The following CNTN6 variants were observed in gnomAD, a reference collection of about 807,000 sequenced individuals.
CNTN6 encodes the protein contactin 6, also known as contactin-6.
A neutral mutation model predicts 122.8 loss-of-function variants in CNTN6; 137 were observed. The ratio of observed to expected loss-of-function variants is 1.12; its 90% CI spans 0.97 to 1.29. CNTN6 has a LOEUF of 1.29. CNTN6 is among the 50% of genes most tolerant of loss of function. The pLI is 0.00. For missense variants in CNTN6, 1,634 were observed against 1,223.4 expected (o/e 1.34, Z -5.01); for synonymous variants, 570 against 426.0 (o/e 1.34, Z -4.16).
intron 11 of CNTN6, among the ~76,000 whole-genome samples, chr3:1,342,992 C>T (rs540589453): frequency 1.1e-3 from 174 of 152,228 alleles, no homozygotes; most frequent in African/African-American, 3.9e-3. Flanking sequence ...ACCTTTGCCA[C>T]TCCTAAGAGA....
chr3:1,112,772 G>A (rs1158551742), intron 1 of CNTN6, among the ~76,000 whole-genome samples: 8 of 151,986 alleles, frequency 5.3e-5, no homozygotes, highest in African/African-American at 1.9e-4. Context: ...CAGACACAAC[G>A]TGCATACTGA....
At chr3:1,106,048 A>C (rs990510306) in intron 1 of CNTN6, among the ~76,000 whole-genome samples, 1 of 152,134 alleles carries the variant, frequency 6.6e-6, no homozygotes, top group Non-Finnish European at 1.5e-5. Flanking sequence ...ATCACTACAA[A>C]TTGTATTTGA....
At chr3:1,186,413 C>T (rs1279856310) in intron 2 of CNTN6, among the ~76,000 whole-genome samples, 2 of 151,770 alleles carry the variant, frequency 1.3e-5, no homozygotes, top group Non-Finnish European at 2.9e-5. Context: ...ACCTGTTTCC[C>T]TTTGGCCATT....
At chr3:1,113,021 C>T (rs1265186230) in intron 1 of CNTN6, among the ~76,000 whole-genome samples, 5 of 152,104 alleles carry the variant, frequency 3.3e-5, no homozygotes, top group South Asian at 2.1e-4. Context: ...ATACTTGTTA[C>T]GTTCCAGGCA....
chr3:1,102,500 G>A (rs2090959127), intron 1 of CNTN6, among the ~76,000 whole-genome samples: 1 of 152,068 alleles, frequency 6.6e-6, no homozygotes, highest in Non-Finnish European at 1.5e-5. Flanking sequence ...GGAGGCCGAG[G>A]TGGGCGGATC....
At chr3:1,317,123 C>T (rs1338706300) in intron 7 of CNTN6, among the ~76,000 whole-genome samples, 1 of 151,904 alleles carries the variant, frequency 6.6e-6, no homozygotes, top group African/African-American at 2.4e-5. Flanking sequence ...TATAAACCTG[C>T]TTCACTTTTC....
At chr3:1,231,515 G>C (rs2094352207) in intron 4 of CNTN6, among the ~76,000 whole-genome samples, 2 of 152,144 alleles carry the variant, frequency 1.3e-5, no homozygotes, top group Admixed American at 1.3e-4. Context: ...AGCACACTTT[G>C]AGTTTATTTT....
intron 4 of CNTN6, among the ~76,000 whole-genome samples, chr3:1,233,593 G>A (rs1003434783): frequency 4.0e-5 from 6 of 151,662 alleles, no homozygotes; most frequent in Admixed American, 6.6e-5. Context: ...AAATTAGCCG[G>A]GTGTGGTGGT....
chr3:1,340,460 A>G (rs917120209), intron 11 of CNTN6, among the ~76,000 whole-genome samples: 5 of 152,172 alleles, frequency 3.3e-5, no homozygotes, highest in African/African-American at 1.2e-4. Flanking sequence ...GTGAATACAC[A>G]ATGTTCGGAA....
chr3:1,114,267 A>G (rs1212113870), intron 1 of CNTN6, among the ~76,000 whole-genome samples: 1 of 152,162 alleles, frequency 6.6e-6, no homozygotes, highest in South Asian at 2.1e-4. Flanking sequence ...CTTTATTTGT[A>G]TTCACCAGTG....
intron 2 of CNTN6, among the ~76,000 whole-genome samples, chr3:1,207,856 A>G (rs2093979320): frequency 6.6e-6 from 1 of 151,962 alleles, no homozygotes; most frequent in African/African-American, 2.4e-5. Context: ...ACTGCTCCTC[A>G]TCTTTCTCTT....
intron 7 of CNTN6, among the ~76,000 whole-genome samples, chr3:1,305,540 A>G (rs1184752932): frequency 6.6e-6 from 1 of 152,194 alleles, no homozygotes; most frequent in African/African-American, 2.4e-5. Context: ...CAAATGTAGT[A>G]TGATTGACTG....
intron 11 of CNTN6, among the ~76,000 whole-genome samples, chr3:1,331,722 G>T (rs1028029556): frequency 2.0e-5 from 3 of 151,694 alleles, no homozygotes; most frequent in African/African-American, 7.3e-5. Flanking sequence ...CTCACCCAAG[G>T]AGCAGAATGA....
intron 3 of CNTN6, 66 bp from the exon 4 acceptor site, chr3:1,227,752 G>A (rs2094302428): frequency 6.6e-7 from 1 of 1,521,308 alleles, no homozygotes; most frequent in Middle Eastern, 1.7e-4. Context: ...AGAACTACAT[G>A]TTTTTTAAGA....
chr3:1,111,415 T>C (rs996454900), intron 1 of CNTN6, among the ~76,000 whole-genome samples: 2 of 152,172 alleles, frequency 1.3e-5, no homozygotes, highest in African/African-American at 2.4e-5. Context: ...CCCCATCTTA[T>C]AGAAAAGTAA....
In CNTN6 at chr3:1,234,024, T is replaced by C. The variant is rs140831762; in HGVS notation, c.358+6031T>C. Among the ~76,000 whole-genome samples, 92 of 152,246 alleles carry C rather than the reference T, an allele frequency of 6.0e-4. 1 individual carries two copies. The East Asian group carries it at 0.013, about 22-fold the overall frequency. On this transcript the variant is annotated intron_variant, in intron 4 of 22. Coordinates refer to ENST00000446702, the MANE Select transcript of CNTN6 (RefSeq NM_001289080.2). ...ATCATCATAGTTTTTTCCAGAGGAA[T>C]GCAAAGGGTTTTACACCTGCCATGC...
At chr3:1,306,312 C>T (rs984057294) in intron 7 of CNTN6, among the ~76,000 whole-genome samples, 10 of 152,074 alleles carry the variant, frequency 6.6e-5, no homozygotes, top group East Asian at 1.9e-4. Flanking sequence ...TTTAACATGA[C>T]GTGGTATTGC....
At chr3:1,310,197 G>A (rs1010978252) in intron 7 of CNTN6, among the ~76,000 whole-genome samples, 16 of 151,928 alleles carry the variant, frequency 1.1e-4, no homozygotes, top group Non-Finnish European at 2.2e-4. Context: ...GCCTTTTTCC[G>A]CTATCCAAAA....
chr3:1,173,166 G>C (rs777708789), intron 2 of CNTN6: 3 of 454,746 alleles, frequency 6.6e-6, no homozygotes, highest in East Asian at 7.0e-5. Flanking sequence ...CGTAAGGAGA[G>C]GACATTTTGA....
Sources: allele counts gnomAD v4.1 joint callset (sites outside exome capture counted in the v4.1 genomes callset), GRCh38; gene constraint gnomAD v4.1.1; transcripts MANE v1.5; gene names NCBI Gene and HGNC (gene_info 2026-07-23, HGNC 2026-07-21).